The following EFCAB5 variants were observed in gnomAD, a reference collection of about 807,000 sequenced individuals.
EFCAB5 encodes EF-hand calcium binding domain 5, also known as EF-hand calcium-binding domain-containing protein 5.
A neutral mutation model predicts 167.9 loss-of-function variants in EFCAB5; 131 were observed. The ratio of observed to expected loss-of-function variants is 0.78; its 90% CI spans 0.68 to 0.90. The LOEUF (loss-of-function observed/expected upper bound fraction) is 0.90. Ranked by LOEUF, EFCAB5 falls within the 40% of genes least tolerant of loss-of-function variation. The pLI is 0.00. For synonymous variants in EFCAB5, 574 were observed against 602.8 expected, an observed-to-expected ratio of 0.95 and a Z score of 0.70; for missense variants, 1,663 against 1,745.2, an observed-to-expected ratio of 0.95 and a Z score of 0.84.
At chr17:30,060,393 A>G (rs765956271) in intron 14 of EFCAB5, among the ~76,000 whole-genome samples, 1 of 151,980 alleles carries the variant, frequency 6.6e-6, no homozygotes, top group Non-Finnish European at 1.5e-5. Context: ...TTTTTCTCTT[A>G]TGACCAGTAT....
chr17:30,053,761 G>C lies in EFCAB5; in HGVS notation c.1807G>C (p.Val603Leu). ...AGAACAAGGATCAAGCAGAGAGTCA[G>C]TTGCAGAACAAGGGTCACGCAGAGA... ...VSEQGSSRES[V>L]AEQGSRRESI... Residue 603 changes from valine (V) to leucine (L), a missense_variant, in exon 10 of 23, where the codon GTT becomes CTT. By Grantham distance (32) the Val-to-Leu change is conservative. Transcript: ENST00000394835. 6.2e-7 allele frequency: 1 copy of C among 1,613,938 alleles called. No homozygotes were observed. The highest frequency in any genetic ancestry group is 8.5e-7 in the Non-Finnish European group (1 of 1,179,876).
At chr17:30,104,684 C>A (rs939819141) in intron 22 of EFCAB5, among the ~76,000 whole-genome samples, 4 of 152,076 alleles carry the variant, frequency 2.6e-5, no homozygotes, top group African/African-American at 9.7e-5. Context: ...CACAAGAGGG[C>A]AGTAGCACTC....
chr17:30,040,524 A>G (rs2069742360), intron 8 of EFCAB5, among the ~76,000 whole-genome samples: 1 of 152,188 alleles, frequency 6.6e-6, no homozygotes, highest in Admixed American at 6.5e-5. Flanking sequence ...AAAAGAAGAA[A>G]AAGTAGCCTC....
At chr17:29,995,180 C>T (rs2068517909) in intron 5 of EFCAB5, among the ~76,000 whole-genome samples, 1 of 152,044 alleles carries the variant, frequency 6.6e-6, no homozygotes, top group African/African-American at 2.4e-5. Flanking sequence ...GCCCAGCTTG[C>T]CCTTGTTTGA....
Position 30,053,740 on chromosome 17 carries a change from C to T in EFCAB5, c.1786C>T (p.Gln596Ter), listed in dbSNP as rs373615419. 6.2e-7 allele frequency: 1 copy of T among 1,613,928 alleles called. No individual in the cohort carries two copies. The highest frequency in any genetic ancestry group is 1.3e-5 in the African/African-American group (1 of 75,018). The change falls in exon 10 of 23, where the codon CAA becomes TAA. Residue 596 changes from glutamine (Q) to a stop codon, truncating the protein, a stop_gained. Coordinates refer to ENST00000394835, the MANE Select transcript of EFCAB5 (RefSeq NM_198529.4). LOFTEE classifies it high-confidence loss of function. ...ACCACGCAGAGTGTCAGTTTCAGAA[C>T]AAGGATCAAGCAGAGAGTCAGTTGC... Reference protein sequence around the residue: ...QGPRRVSVSEQGSSRESVAEQ... With the variant: ...QGPRRVSVSE
In EFCAB5 at chr17:30,058,039, A is replaced by G. The variant is rs879055704; in HGVS notation, c.2580+149A>G. On this transcript the variant is annotated intron_variant, in intron 13 of 22. Transcript: ENST00000394835. The stretch of plus-strand genomic sequence containing the variant: ...AACAAGCATAGCCATTAAAGATTCT[A>G]TTTTATCATCAAATATTCTAAGATC... 8.7e-6 allele frequency: 6 copies of G among 686,150 alleles called. No individual in the cohort carries two copies. The South Asian group carries it at 1.3e-4, about 14-fold the overall frequency. 42.5% of individuals were successfully genotyped at this position (686,150 alleles called of 1,614,324 possible). A position where few individuals can be genotyped will look rare whatever the true frequency, so the allele number is the denominator to read the frequency against.
chr17:30,064,638 A>G (rs2070512725), intron 14 of EFCAB5, among the ~76,000 whole-genome samples: 1 of 152,188 alleles, frequency 6.6e-6, no homozygotes. Context: ...AAGTCTGGGG[A>G]GATATATGGA....
intron 1 of EFCAB5, among the ~76,000 whole-genome samples, chr17:29,931,628 C>T (rs1053934675): frequency 4.6e-5 from 7 of 151,990 alleles, no homozygotes; most frequent in Non-Finnish European, 1.5e-5. Context: ...CCCCAGAGCT[C>T]CGTAGTAAAC....
chr17:30,054,338 T>C (rs750917498), intron 10 of EFCAB5, among the ~76,000 whole-genome samples, 190 bp downstream of exon 10: 2 of 152,220 alleles, frequency 1.3e-5, no homozygotes, highest in Non-Finnish European at 2.9e-5. Context: ...CATTCACTAA[T>C]GAAATGCAAG....
At position 30,057,756 on chromosome 17, in the gene EFCAB5, C is replaced by T; in HGVS notation, c.2446C>T (p.Leu816=). 1 of 1,613,852 alleles carries T rather than the reference C, an allele frequency of 6.2e-7. No individual in the cohort carries two copies. Among genetic ancestry groups the T allele is most frequent in the Non-Finnish European group, 8.5e-7 (1 of 1,179,792 alleles). The change falls in exon 13 of 23, where the codon CTG becomes TTG. Residue 816 remains leucine, a synonymous_variant. Transcript: ENST00000394835. ...RTAFNGVSFN[L]LQFVQLLETF... ...TGCCTTCAATGGAGTTTCATTCAATCTGCTCCAGTTTGTGCAACTCCTGGA... is the reference window on the plus strand; with the variant it reads ...TGCCTTCAATGGAGTTTCATTCAATTTGCTCCAGTTTGTGCAACTCCTGGA...
At chr17:29,942,845 C>G (rs1267941367) in intron 2 of EFCAB5, among the ~76,000 whole-genome samples, 3 of 152,086 alleles carry the variant, frequency 2.0e-5, no homozygotes, top group Non-Finnish European at 4.4e-5. Flanking sequence ...CAAGACCGGA[C>G]TGGCCAACAT....
In EFCAB5 at chr17:29,987,146, T is replaced by C. The variant is rs928303008; in HGVS notation, c.768-6019T>C. On this transcript the variant is annotated intron_variant, in intron 4 of 22. Coordinates refer to ENST00000394835, the MANE Select transcript of EFCAB5 (RefSeq NM_198529.4). The stretch of plus-strand genomic sequence containing the variant: ...ATCATAGCTATCATTAAATTACTCA[T>C]TGTGACTGATTATCCCACTTTCCTC... Among the ~76,000 whole-genome samples the C allele has an allele frequency of 5.9e-5, 9 of 152,280 alleles. 1 individual carries two copies. The South Asian group carries it at 1.7e-3, about 28-fold the overall frequency.
rs928463566 is a variant in EFCAB5 at position 30,085,150 on chromosome 17, G to T, written c.3580-1913G>T. Among the ~76,000 whole-genome samples the T allele has an allele frequency of 6.6e-5, 10 of 152,042 alleles. No individual in the cohort carries two copies. The East Asian group carries it at 1.3e-3, about 21-fold the overall frequency. ...TTCCTTGTGATACCCTGACTGATACGAATTATAAAGTAAATCCTGTGATAC... is the reference window on the plus strand; with the variant it reads ...TTCCTTGTGATACCCTGACTGATACTAATTATAAAGTAAATCCTGTGATAC... On this transcript the variant is annotated intron_variant, in intron 18 of 22. Transcript: ENST00000394835.
intron 14 of EFCAB5, among the ~76,000 whole-genome samples, chr17:30,068,405 A>T (rs2070635608): frequency 6.6e-6 from 1 of 152,234 alleles, no homozygotes; most frequent in African/African-American, 2.4e-5. Flanking sequence ...CTACAAAAAT[A>T]AAAAATAAAA....
intron 14 of EFCAB5, among the ~76,000 whole-genome samples, chr17:30,069,890 T>C (rs2070686696): frequency 6.6e-6 from 1 of 152,214 alleles, no homozygotes; most frequent in African/African-American, 2.4e-5. Context: ...GTGGCCTATG[T>C]AGCTATCATA....
intron 7 of EFCAB5, among the ~76,000 whole-genome samples, chr17:30,017,239 T>C (rs371272231): frequency 4.8e-4 from 73 of 151,926 alleles, no homozygotes; most frequent in South Asian, 2.1e-3. Context: ...AAAAATAGAA[T>C]AACAATATGC....
At chr17:29,960,258 C>T (rs1029290516) in intron 3 of EFCAB5, among the ~76,000 whole-genome samples, 10 of 152,132 alleles carry the variant, frequency 6.6e-5, no homozygotes, top group African/African-American at 2.2e-4. Context: ...TTCTCAGTGC[C>T]TCTTTCCTTG....
rs759756664 is a variant in EFCAB5, at chr17:30,078,247, C to T, written c.2770C>T (p.Pro924Ser). ...KLHIQFPKPH[P>S]GHEVRLSSKQ... ...ACACATCCAATTTCCAAAGCCACAC[C>T]CTGGTCACGAAGTGAGATTGTCTTC... The change falls in exon 15 of 23, where the codon CCT becomes TCT. Residue 924 changes from proline (P) to serine (S), a missense_variant. Transcript: ENST00000394835. 1.9e-6 allele frequency: 3 copies of T among 1,613,322 alleles called. No individual in the cohort carries two copies. The highest frequency in any genetic ancestry group is 4.5e-5 in the East Asian group (2 of 44,886).
intron 14 of EFCAB5, chr17:30,073,991 T>C (rs1314199610): frequency 5.3e-6 from 1 of 188,770 alleles, no homozygotes; most frequent in African/African-American, 2.3e-5. Flanking sequence ...ACCACTTTTC[T>C]ATTTTCTACC....
Sources: gnomAD v4.1 joint callset for allele counts (sites outside exome capture counted in the v4.1 genomes callset) on GRCh38, gnomAD v4.1.1 for gene constraint, MANE v1.5 for transcripts, NCBI Gene and HGNC (gene_info 2026-07-23, HGNC 2026-07-21) for gene names.